Variants in ROR2 observed in about 807,000 individuals in gnomAD.
ROR2 encodes ROR family WNT receptor 2.
In ROR2, 33 loss-of-function variants were observed where a neutral mutation model predicts 74.9. The ratio of observed to expected loss-of-function variants is 0.44; its 90% CI spans 0.33 to 0.59. The LOEUF (loss-of-function observed/expected upper bound fraction) is 0.59. Ranked by LOEUF, ROR2 falls within the 20% of genes least tolerant of loss-of-function variation. ROR2 has a pLI of 0.02. For synonymous variants in ROR2, 586 were observed against 558.7 expected, an observed-to-expected ratio of 1.05 and a Z score of -0.69; for missense variants, 1,216 against 1,313.8, an observed-to-expected ratio of 0.93 and a Z score of 1.15.
At chr9:91,879,066 C>CA (rs1587814009) in intron 1 of ROR2, among the ~76,000 whole-genome samples, 1 of 151,400 alleles carries the variant, frequency 6.6e-6, no homozygotes, top group East Asian at 1.9e-4. Flanking sequence ...CAAAACAAAA[C>CA]AAACAATAAA....
At chr9:91,856,918 A>G (rs1258684709) in intron 1 of ROR2, among the ~76,000 whole-genome samples, 1 of 152,226 alleles carries the variant, frequency 6.6e-6, no homozygotes, top group Non-Finnish European at 1.5e-5. Context: ...ACAATGGACG[A>G]GGAACAAATT....
chr9:91,754,310 A>G (rs1825674477), intron 4 of ROR2, among the ~76,000 whole-genome samples: 1 of 150,926 alleles, frequency 6.6e-6, no homozygotes, highest in Non-Finnish European at 1.5e-5. Flanking sequence ...ATAGTTACAT[A>G]ATATATTTAT....
Position 91,840,027 on chromosome 9 carries a change from G to A in ROR2, c.98-64209C>T, listed in dbSNP as rs116103560. On this transcript the variant is annotated intron_variant, in intron 1 of 8. Transcript: ENST00000375708. ...ATCACCCCACACTGTACTGGCCCCC[G>A]TTCCCTGGACTGCCCAGCATTTCTC... Among the ~76,000 whole-genome samples, 922 of 152,182 alleles carry A rather than the reference G, an allele frequency of 6.1e-3. 7 individuals are homozygous for A. Among genetic ancestry groups the A allele is most frequent in the African/African-American group, 0.02 (847 of 41,504 alleles).
intron 1 of ROR2, among the ~76,000 whole-genome samples, chr9:91,875,789 G>T (rs375893226): frequency 3.3e-5 from 5 of 152,236 alleles, no homozygotes; most frequent in Admixed American, 6.5e-5. Context: ...GCACACGGAC[G>T]ATCTTTGCAT....
intron 1 of ROR2, among the ~76,000 whole-genome samples, chr9:91,919,525 C>T (rs1411140628): frequency 1.3e-5 from 2 of 152,224 alleles, no homozygotes; most frequent in Admixed American, 1.3e-4. Flanking sequence ...GAATCCTACA[C>T]CTCAACCTCA....
At chr9:91,916,997 C>T (rs555407795) in intron 1 of ROR2, among the ~76,000 whole-genome samples, 19 of 152,112 alleles carry the variant, frequency 1.2e-4, no homozygotes, top group Non-Finnish European at 2.4e-4. Context: ...TAGTTTTACT[C>T]CTTCCCAGCA....
At chr9:91,910,035 T>C (rs1830934941) in intron 1 of ROR2, among the ~76,000 whole-genome samples, 1 of 151,702 alleles carries the variant, frequency 6.6e-6, no homozygotes, top group Non-Finnish European at 1.5e-5. Flanking sequence ...CTAATTTTTG[T>C]ATTTTTAGTA....
intron 1 of ROR2, among the ~76,000 whole-genome samples, chr9:91,851,774 A>C (rs1829100908): frequency 6.6e-6 from 1 of 152,134 alleles, no homozygotes; most frequent in African/African-American, 2.4e-5. Context: ...CAGTAGTTCC[A>C]GACCAGTGTG....
chr9:91,814,825 C>T (rs1341035478), intron 1 of ROR2, among the ~76,000 whole-genome samples: 2 of 152,214 alleles, frequency 1.3e-5, no homozygotes, highest in Non-Finnish European at 2.9e-5. Context: ...TCCGGCATGG[C>T]TGGACGATGG....
rs35012954 is a variant in ROR2, at chr9:91,925,466, A to ATGTGTGTG, written c.97+24393_97+24400dup. Among the ~76,000 whole-genome samples the ATGTGTGTG allele has an allele frequency of 3.1e-3, 451 of 144,602 alleles. 3 individuals carry two copies. The highest frequency in any genetic ancestry group is 0.019 in the East Asian group (92 of 4,888). The allele number at this position is 144,602 out of a possible 152,430, so 94.9% of individuals were successfully genotyped here. ...CCTGACAATGCTGTCAGCTGCCTGT[A>ATGTGTGTG]TGTGTGTGTGTGTGTGTGTGTGTGT... On this transcript the variant is annotated intron_variant, in intron 1 of 8. Coordinates refer to ENST00000375708, the MANE Select transcript of ROR2 (RefSeq NM_004560.4).
At chr9:91,893,683 C>T (rs1345586328) in intron 1 of ROR2, among the ~76,000 whole-genome samples, 3 of 152,178 alleles carry the variant, frequency 2.0e-5, no homozygotes, top group Admixed American at 6.5e-5. Flanking sequence ...AAGATATTCA[C>T]ATCCAAGACT....
chr9:91,908,797 C>T (rs994590849), intron 1 of ROR2, among the ~76,000 whole-genome samples: 2 of 152,094 alleles, frequency 1.3e-5, no homozygotes, highest in Non-Finnish European at 2.9e-5. Flanking sequence ...AGATTTCAAG[C>T]GGAGGGTGCC....
intron 1 of ROR2, among the ~76,000 whole-genome samples, chr9:91,777,297 C>T (rs1213789972): frequency 6.6e-6 from 1 of 151,912 alleles, no homozygotes; most frequent in Non-Finnish European, 1.5e-5. Context: ...TCAGCAGAAC[C>T]CAATAGGGTT....
At chr9:91,783,700 C>G (rs1826700965) in intron 1 of ROR2, among the ~76,000 whole-genome samples, 1 of 152,184 alleles carries the variant, frequency 6.6e-6, no homozygotes, top group Non-Finnish European at 1.5e-5. Context: ...AATATTTACA[C>G]CAATGCCACT....
At position 91,757,388 on chromosome 9, in the gene ROR2, T is replaced by C. The variant is rs1241007392; in HGVS notation, c.347A>G (p.Tyr116Cys). Residue 116 changes from tyrosine to cysteine, a missense_variant, in exon 3 of 9, where the codon TAT (tyrosine) becomes TGT (cysteine). Tyr to Cys is a radical substitution (Grantham distance 194, BLOSUM62 -2). Coordinates refer to ENST00000375708, the MANE Select transcript of ROR2 (RefSeq NM_004560.4). ...PRRIIIRKTE[Y>C]GSRLRIQDLD... The stretch of plus-strand genomic sequence containing the variant: ...GTCCTGGATTCGCAGTCGTGAACCA[T>C]ATTCTGTCTTCCGGATGATGATCCG... The C allele has an allele frequency of 1.2e-6, 2 of 1,613,906 alleles. No homozygotes were observed. Among genetic ancestry groups the C allele is most frequent in the Non-Finnish European group, 1.7e-6 (2 of 1,180,006 alleles).
Position 91,737,415 on chromosome 9 carries a change from C to T in ROR2, c.598G>A (p.Gly200Arg). The stretch of plus-strand genomic sequence containing the variant: ...CCTGTGATTCGGTTTTCAATCTCCC[C>T]CTGCATCTGAAGCGAGTCCACATAA... ...TIYVDSLQMQ[G>R]EIENRITAAF... Residue 200 changes from glycine (G) to arginine (R), a missense_variant, in exon 5 of 9, where the codon GGG becomes AGG. Coordinates refer to ENST00000375708, the MANE Select transcript of ROR2 (RefSeq NM_004560.4). 6.2e-7 allele frequency: 1 copy of T among 1,614,144 alleles called. No individual in the cohort carries two copies. Among genetic ancestry groups the T allele is most frequent in the Non-Finnish European group, 8.5e-7 (1 of 1,180,030 alleles).
rs1836906069 is a variant in ROR2, at chr9:91,724,107, A to G, written c.2387T>C (p.Phe796Ser). 1 of 1,610,638 alleles carries G rather than the reference A, an allele frequency of 6.2e-7. No homozygotes were observed. Among genetic ancestry groups the G allele is most frequent in the Admixed American group, 1.7e-5 (1 of 59,982 alleles). Reference protein sequence around the residue: ...YVGPKQKAPPFPQPQFIPMKG... With the variant: ...YVGPKQKAPPSPQPQFIPMKG... ...CATGGGGATGAACTGGGGCTGTGGG[A>G]AGGGCGGGGCCTTCTGCTTGGGCCC... is the stretch of plus-strand genomic sequence containing the variant. Residue 796 changes from phenylalanine to serine, a missense_variant, in exon 9 of 9, where the codon TTC becomes TCC. Transcript: ENST00000375708.
At chr9:91,824,765 G>A (rs1181827631) in intron 1 of ROR2, among the ~76,000 whole-genome samples, 1 of 152,180 alleles carries the variant, frequency 6.6e-6, no homozygotes, top group Non-Finnish European at 1.5e-5. Context: ...AGCTCTCCCA[G>A]GCGGGACATG....
At chr9:91,741,199 C>T (rs1014469666) in intron 4 of ROR2, among the ~76,000 whole-genome samples, 1 of 151,732 alleles carries the variant, frequency 6.6e-6, no homozygotes, top group Admixed American at 6.6e-5. Context: ...ACTCGGGAGG[C>T]TGAGGCAGGG....
Sources: allele counts gnomAD v4.1 joint callset (sites outside exome capture counted in the v4.1 genomes callset), GRCh38; gene constraint gnomAD v4.1.1; transcripts MANE v1.5; gene names NCBI Gene and HGNC (gene_info 2026-07-23, HGNC 2026-07-21).